Variants in ENOX1 observed in about 807,000 individuals in gnomAD.
ENOX1 encodes candidate growth-related and time keeping constitutive hydroquinone (NADH) oxidase.
A neutral mutation model predicts 82.5 loss-of-function variants in ENOX1; 42 were observed. That is an observed-to-expected ratio of 0.51 (90% CI 0.40 to 0.66). ENOX1 has a LOEUF of 0.66. Among genes scored for constraint, ENOX1 ranks in the 30% least tolerant of loss-of-function variants. The pLI, the probability that ENOX1 is intolerant of heterozygous loss-of-function variation, is 0.00. For missense variants in ENOX1, 608 were observed against 811.6 expected (o/e 0.75, Z 3.05); for synonymous variants, 271 against 282.2 (o/e 0.96, Z 0.40).
chr13:43,513,845 T>TA (rs1593575037), intron 2 of ENOX1, among the ~76,000 whole-genome samples: 1 of 152,160 alleles, frequency 6.6e-6, no homozygotes, highest in African/African-American at 2.4e-5. Flanking sequence ...TCACATAGTT[T>TA]AAAAAACAAT....
At chr13:43,748,122 C>T (rs1293163286) in intron 1 of ENOX1, among the ~76,000 whole-genome samples, 3 of 152,140 alleles carry the variant, frequency 2.0e-5, no homozygotes, top group Non-Finnish European at 4.4e-5. Flanking sequence ...ATGTATATTA[C>T]CATAACACGA....
chr13:43,276,756 G>A (rs2045059125), intron 12 of ENOX1, among the ~76,000 whole-genome samples: 1 of 152,230 alleles, frequency 6.6e-6, no homozygotes, highest in Non-Finnish European at 1.5e-5. Flanking sequence ...CAGGATTTCT[G>A]ACAAAGGAGA....
intron 2 of ENOX1, among the ~76,000 whole-genome samples, chr13:43,543,363 G>A (rs978391993): frequency 5.3e-5 from 8 of 151,964 alleles, no homozygotes; most frequent in East Asian, 1.9e-4. Context: ...AGAAGCTATC[G>A]GAATATACTG....
chr13:43,621,631 T>A (rs990540692), intron 2 of ENOX1, among the ~76,000 whole-genome samples: 2 of 152,244 alleles, frequency 1.3e-5, no homozygotes, highest in African/African-American at 4.8e-5. Context: ...GCTGTTAATC[T>A]GATAGGTTTT....
intron 2 of ENOX1, among the ~76,000 whole-genome samples, chr13:43,581,412 G>A (rs574235888): frequency 1.3e-3 from 205 of 152,146 alleles, no homozygotes; most frequent in African/African-American, 4.7e-3. Flanking sequence ...GATTACAGGC[G>A]TGAGCCACCG....
chr13:43,566,074 T>C (rs1418983200), intron 2 of ENOX1, among the ~76,000 whole-genome samples: 2 of 152,154 alleles, frequency 1.3e-5, no homozygotes, highest in Non-Finnish European at 2.9e-5. Flanking sequence ...ATTTAAGAAA[T>C]GCATGTTTTC....
intron 5 of ENOX1, among the ~76,000 whole-genome samples, chr13:43,383,671 G>A (rs1338041063): frequency 6.6e-6 from 1 of 152,168 alleles, no homozygotes; most frequent in African/African-American, 2.4e-5. Flanking sequence ...TCCTGCTGCT[G>A]TTGTTTATAG....
At chr13:43,679,746 C>T (rs2085693496) in intron 1 of ENOX1, among the ~76,000 whole-genome samples, 1 of 152,112 alleles carries the variant, frequency 6.6e-6, no homozygotes. Flanking sequence ...AATATGACCA[C>T]TGGATAAGTG....
chr13:43,634,872 A>T (rs2083354181), intron 2 of ENOX1, among the ~76,000 whole-genome samples: 1 of 152,188 alleles, frequency 6.6e-6, no homozygotes, highest in African/African-American at 2.4e-5. Context: ...ATAAACACAG[A>T]AGTTGTAGGT....
At chr13:43,246,508 G>A (rs980302588) in intron 14 of ENOX1, among the ~76,000 whole-genome samples, 3 of 152,242 alleles carry the variant, frequency 2.0e-5, no homozygotes, top group African/African-American at 7.2e-5. Flanking sequence ...TGGCTGAGGA[G>A]CAGCATTAGC....
rs2050377886 is a variant in ENOX1 at position 43,359,775 on chromosome 13, C to A, written c.589+76G>T. On this transcript the variant is annotated intron_variant, in intron 7 of 16. Coordinates refer to ENST00000690772, the MANE Select transcript of ENOX1 (RefSeq NM_001347969.2). ...TGAAGACTTTATTTTGCATGAAGGC[C>A]AAAGGGAATAAGCTCATATTAACAT... 11 of 1,385,160 alleles carry A rather than the reference C, an allele frequency of 7.9e-6. No individual in the cohort carries two copies. The Admixed American group carries it at 1.9e-4, about 24-fold the overall frequency. The allele number at this position is 1,385,160 out of a possible 1,614,324, so 85.8% of individuals were successfully genotyped here. A position where few individuals can be genotyped will look rare whatever the true frequency, so the allele number is the denominator to read the frequency against.
intron 2 of ENOX1, among the ~76,000 whole-genome samples, chr13:43,580,354 A>G (rs1013816925): frequency 6.6e-6 from 1 of 152,238 alleles, no homozygotes; most frequent in African/African-American, 2.4e-5. Flanking sequence ...TTTTGTCGCC[A>G]ACAAGTAATG....
rs1380748978 is a variant in ENOX1, at chr13:43,628,543, A to C, written c.-219+38936T>G. On this transcript the variant is annotated intron_variant, in intron 2 of 16. Coordinates refer to ENST00000690772, the MANE Select transcript of ENOX1 (RefSeq NM_001347969.2). ...TTCAAGTGTAATTGCTAGTTTAAGC[A>C]TTTCTACCATAGCTGCTTTCAAATC... Among the ~76,000 whole-genome samples the C allele has an allele frequency of 2.6e-5, 4 of 152,264 alleles. No homozygotes were observed. In the East Asian group the frequency reaches 7.7e-4, roughly 29 times the overall value.
chr13:43,538,790 T>TTTA lies in ENOX1; in HGVS notation c.-218-54639_-218-54638insTAA, dbSNP rs564463527. Among the ~76,000 whole-genome samples, 185 of 149,424 alleles carry TTTA rather than the reference T, an allele frequency of 1.2e-3. 1 individual carries two copies. The highest frequency in any genetic ancestry group is 3.9e-3 in the African/African-American group (159 of 40,484). ...TTTTCCTTGTTTGAGGTTGAAAATG[T>TTTA]TAATAGACTTCTCAAGAAAACATTT... On this transcript the variant is annotated intron_variant, in intron 2 of 16. Coordinates refer to ENST00000690772, the MANE Select transcript of ENOX1 (RefSeq NM_001347969.2).
intron 12 of ENOX1, among the ~76,000 whole-genome samples, chr13:43,274,006 CAAACAATAAA>C (rs2044852338): frequency 6.6e-6 from 1 of 152,046 alleles, no homozygotes; most frequent in South Asian, 2.1e-4. Context: ...GATCCAACAA[CAAACAATAAA>C]AAACCCACCA....
At chr13:43,267,075 C>T (rs1206012928) in intron 13 of ENOX1, among the ~76,000 whole-genome samples, 2 of 152,168 alleles carry the variant, frequency 1.3e-5, no homozygotes, top group Admixed American at 1.3e-4. Flanking sequence ...TTGTTCACTC[C>T]GCTGTGCTCC....
intron 1 of ENOX1, among the ~76,000 whole-genome samples, chr13:43,773,599 C>T (rs1387087138): frequency 4.6e-5 from 7 of 152,202 alleles, no homozygotes; most frequent in Non-Finnish European, 8.8e-5. Context: ...GGGACTCTCA[C>T]CTGGATAACC....
rs546821085 is a variant in ENOX1 at position 43,261,868 on chromosome 13, T to C, written c.1611+3530A>G. ...GTGGGGGGAGGGGGGAGGGATAGCA[T>C]TGGGAGATATACCTAAGGCTAGATG... On this transcript the variant is annotated intron_variant, in intron 14 of 16. Transcript: ENST00000690772. Among the ~76,000 whole-genome samples, 7 of 141,650 alleles carry C rather than the reference T, an allele frequency of 4.9e-5. No individual in the cohort carries two copies. In the East Asian group the frequency reaches 8.8e-4, roughly 18 times the overall value. The allele number at this position is 141,650 out of a possible 152,430, so 92.9% of individuals were successfully genotyped here. A position where few individuals can be genotyped will look rare whatever the true frequency, so the allele number is the denominator to read the frequency against.
At chr13:43,306,717 A>G (rs1454346890) in intron 11 of ENOX1, among the ~76,000 whole-genome samples, 2 of 152,208 alleles carry the variant, frequency 1.3e-5, no homozygotes, top group African/African-American at 4.8e-5. Context: ...TTTTCCTCCC[A>G]TCTTACAAAT....
Sources: allele counts gnomAD v4.1 joint callset (sites outside exome capture counted in the v4.1 genomes callset), GRCh38; gene constraint gnomAD v4.1.1; transcripts MANE v1.5; gene names NCBI Gene and HGNC (gene_info 2026-07-23, HGNC 2026-07-21).